STK32B: variants seen among roughly 807,000 people sequenced by gnomAD.
STK32B encodes the protein serine/threonine-protein kinase 32B.
A neutral mutation model predicts 52.6 loss-of-function variants in STK32B; 43 were observed. The ratio of observed to expected loss-of-function variants is 0.82; its 90% CI spans 0.64 to 1.05. The LOEUF is 1.05. Among genes scored for constraint, STK32B ranks in the 50% least tolerant of loss-of-function variants. The pLI is 0.00. For synonymous variants in STK32B, 238 were observed against 204.3 expected, an observed-to-expected ratio of 1.17 and a Z score of -1.41; for missense variants, 621 against 534.6, an observed-to-expected ratio of 1.16 and a Z score of -1.59.
At chr4:5,092,357 C>T (rs1399494224) in intron 1 of STK32B, among the ~76,000 whole-genome samples, 1 of 152,122 alleles carries the variant, frequency 6.6e-6, no homozygotes, top group African/African-American at 2.4e-5. Context: ...CATGGTGAAA[C>T]CCTGTCTTTA....
At chr4:5,144,236 A>G (rs557921789) in intron 2 of STK32B, among the ~76,000 whole-genome samples, 6 of 152,262 alleles carry the variant, frequency 3.9e-5, no homozygotes, top group South Asian at 4.2e-4. Flanking sequence ...TCATGCATGC[A>G]CTTTGAGTCT....
At chr4:5,318,763 G>T (rs1357637025) in intron 3 of STK32B, among the ~76,000 whole-genome samples, 1 of 152,066 alleles carries the variant, frequency 6.6e-6, no homozygotes, top group Non-Finnish European at 1.5e-5. Context: ...CAGTGGGCTG[G>T]ATTCATGGCA....
rs1716837734 is a variant in STK32B at position 5,459,287 on chromosome 4, C to CCG, written c.784-815_784-814insGC. Among the ~76,000 whole-genome samples the CCG allele has an allele frequency of 1.3e-4, 8 of 63,534 alleles. 2 individuals are homozygous for CCG. The South Asian group carries it at 2.5e-3, about 20-fold the overall frequency. The allele number at this position is 63,534 out of a possible 152,430, so 41.7% of individuals were successfully genotyped here. A position where few individuals can be genotyped will look rare whatever the true frequency, so the allele number is the denominator to read the frequency against. ...CCACCTGTGGACCCTGGTGTGCCCC[C>CCG]CCCCCCCACCTTTCTAAGTATGTGC... On this transcript the variant is annotated intron_variant, in intron 8 of 11. Transcript: ENST00000282908.
chr4:5,497,967 A>G (rs184873396), intron 11 of STK32B, among the ~76,000 whole-genome samples: 1 of 152,306 alleles, frequency 6.6e-6, no homozygotes, highest in East Asian at 1.9e-4. Context: ...AGTAATTATT[A>G]TTATTCCCAG....
chr4:5,236,915 G>A (rs1724678170), intron 3 of STK32B, among the ~76,000 whole-genome samples: 2 of 152,168 alleles, frequency 1.3e-5, no homozygotes, highest in African/African-American at 4.8e-5. Context: ...TTACTGGGTG[G>A]TAGGCTGTGC....
chr4:5,486,956 T>G (rs920322453), intron 11 of STK32B, among the ~76,000 whole-genome samples: 1 of 152,240 alleles, frequency 6.6e-6, no homozygotes, highest in African/African-American at 2.4e-5. Context: ...GTAATAGCAG[T>G]GGGCAAAACC....
At chr4:5,391,801 C>T (rs1353302710) in intron 4 of STK32B, among the ~76,000 whole-genome samples, 1 of 152,192 alleles carries the variant, frequency 6.6e-6, no homozygotes, top group African/African-American at 2.4e-5. Context: ...TGTGACTCTT[C>T]TGGGCTAGAA....
chr4:5,056,567 G>A (rs1742013792), intron 1 of STK32B, among the ~76,000 whole-genome samples: 2 of 152,200 alleles, frequency 1.3e-5, no homozygotes, highest in South Asian at 2.1e-4. Flanking sequence ...ATTCTCAGGC[G>A]GGCTCTCTCT....
intron 1 of STK32B, among the ~76,000 whole-genome samples, chr4:5,098,591 T>C (rs1230953183): frequency 2.6e-5 from 4 of 152,244 alleles, no homozygotes; most frequent in Admixed American, 2.6e-4. Context: ...AGCTCCACTT[T>C]ATAGGTGAGG....
intron 3 of STK32B, among the ~76,000 whole-genome samples, chr4:5,209,877 C>T (rs150077865): frequency 6.6e-6 from 1 of 152,138 alleles, no homozygotes; most frequent in Non-Finnish European, 1.5e-5. Context: ...ATATGGCCCC[C>T]CAACTGTCTA....
At chr4:5,052,709 A>G (rs1741837992) in intron 1 of STK32B, among the ~76,000 whole-genome samples, 1 of 152,160 alleles carries the variant, frequency 6.6e-6, no homozygotes, top group Non-Finnish European at 1.5e-5. Flanking sequence ...ACCACTAGTA[A>G]TCCACGTGAA....
intron 1 of STK32B, among the ~76,000 whole-genome samples, chr4:5,137,761 A>G (rs1018522975): frequency 6.6e-6 from 1 of 152,220 alleles, no homozygotes; most frequent in African/African-American, 2.4e-5. Context: ...AGTTAACTCT[A>G]AGGAAAAAAA....
intron 9 of STK32B, among the ~76,000 whole-genome samples, chr4:5,461,742 C>G (rs913611092): frequency 6.6e-6 from 1 of 152,212 alleles, no homozygotes; most frequent in African/African-American, 2.4e-5. Flanking sequence ...AATGGCAGGT[C>G]GCACAGGGCT....
At chr4:5,179,928 C>A (rs1330679403) in intron 3 of STK32B, among the ~76,000 whole-genome samples, 1 of 152,216 alleles carries the variant, frequency 6.6e-6, no homozygotes, top group African/African-American at 2.4e-5. Context: ...CCAGCAGAGG[C>A]TGAGGCTTGT....
chr4:5,032,377 G>A, the STK32B span, among the ~76,000 whole-genome samples: 7 of 151,164 alleles, frequency 4.6e-5, no homozygotes, highest in Non-Finnish European at 1.0e-4. Flanking sequence ...GGAGGCTGAG[G>A]TGGGAGAATT....
At chr4:5,072,452 C>A (rs1191786943) in intron 1 of STK32B, among the ~76,000 whole-genome samples, 1 of 152,140 alleles carries the variant, frequency 6.6e-6, no homozygotes. Context: ...CTTCTTTGCA[C>A]ATTGCAGAAA....
chr4:5,227,325 C>A (rs182589271), intron 3 of STK32B, among the ~76,000 whole-genome samples: 1 of 152,144 alleles, frequency 6.6e-6, no homozygotes, highest in Non-Finnish European at 1.5e-5. Context: ...CTTTTACCCA[C>A]GCATGATTTT....
intron 2 of STK32B, among the ~76,000 whole-genome samples, chr4:5,150,056 T>C (rs1717218830): frequency 6.6e-6 from 1 of 152,058 alleles, no homozygotes; most frequent in Non-Finnish European, 1.5e-5. Context: ...TGTTGTCATC[T>C]AACTTTCAGA....
intron 4 of STK32B, among the ~76,000 whole-genome samples, chr4:5,366,834 C>T (rs1347412639): frequency 6.6e-6 from 1 of 152,146 alleles, no homozygotes; most frequent in Non-Finnish European, 1.5e-5. Flanking sequence ...CCATCCGTTG[C>T]GTACCCAGTG....
Sources: allele counts gnomAD v4.1 joint callset (sites outside exome capture counted in the v4.1 genomes callset), GRCh38; gene constraint gnomAD v4.1.1; transcripts MANE v1.5; gene names NCBI Gene and HGNC (gene_info 2026-07-23, HGNC 2026-07-21).